The following RFC1 variants were observed in gnomAD, a reference collection of about 807,000 sequenced individuals.
RFC1 encodes replication factor C subunit 1.
A neutral mutation model predicts 137.4 loss-of-function variants in RFC1; 37 were observed. The ratio of observed to expected loss-of-function variants is 0.27; its 90% CI spans 0.21 to 0.35. The LOEUF (loss-of-function observed/expected upper bound fraction) is 0.35, where lower values mean the gene tolerates loss of function less well. Ranked by LOEUF, RFC1 falls within the 10% of genes least tolerant of loss-of-function variation. The pLI is 1.00. For missense variants in RFC1, 1,205 were observed against 1,358.5 expected (o/e 0.89, Z 1.78); for synonymous variants, 429 against 455.7 (o/e 0.94, Z 0.75).
intron 4 of RFC1, among the ~76,000 whole-genome samples, chr4:39,329,244 G>A (rs1380741582): frequency 6.6e-6 from 1 of 151,010 alleles, no homozygotes; most frequent in Non-Finnish European, 1.5e-5. Flanking sequence ...GCACACACCT[G>A]TCATCCCAGT....
At chr4:39,322,386 T>C (rs1739562508) in intron 7 of RFC1, 1 of 151,756 alleles carries the variant, frequency 6.6e-6, no homozygotes, top group East Asian at 1.9e-4. Flanking sequence ...CCAGCGTGGG[T>C]GACAAAGTGA....
At chr4:39,292,850 C>G (rs1578099830) in intron 22 of RFC1, among the ~76,000 whole-genome samples, 2 of 151,484 alleles carry the variant, frequency 1.3e-5, no homozygotes, top group South Asian at 4.2e-4. Context: ...GTTTCACCAT[C>G]TTGCCCAGGC....
At chr4:39,348,429 GAA>G (rs1157025395) in intron 2 of RFC1, among the ~76,000 whole-genome samples, 5 of 38,618 alleles carry the variant, frequency 1.3e-4, no homozygotes, top group South Asian at 9.9e-4. Context: ...TTTCAAAAAA[GAA>G]AAGAAAAGAA....
chr4:39,351,344 T>C lies in RFC1; in HGVS notation c.132+4A>G. 4.1e-6 allele frequency: 6 copies of C among 1,465,472 alleles called. No homozygotes were observed. Among genetic ancestry groups the C allele is most frequent in the Non-Finnish European group, 5.4e-6 (6 of 1,107,266 alleles). 90.8% of individuals were successfully genotyped at this position (1,465,472 alleles called of 1,614,324 possible). A position where few individuals can be genotyped will look rare whatever the true frequency, so the allele number is the denominator to read the frequency against. The stretch of plus-strand genomic sequence containing the variant: ...CAATGCAAAATTATACCCAGAAAAC[T>C]AACCTTGATTTCCTTTATTCCTTTC... On this transcript the variant is annotated splice_donor_region_variant and intron_variant, in intron 2 of 24. Coordinates refer to ENST00000349703, the MANE Select transcript of RFC1 (RefSeq NM_002913.5).
In RFC1 at chr4:39,308,684, G is replaced by C; in HGVS notation, c.1837C>G (p.Arg613Gly). Residue 613 changes from arginine to glycine, a missense_variant, in exon 13 of 25, where the codon CGC becomes GGC. Around this residue, in one of 3 missense-constraint regions of RFC1, gnomAD observed 962 missense variants for 1,035.3 expected, o/e 0.93. Transcript: ENST00000349703. ...CTCTTTTGCCAGTTTCGGAGCCAGC[G>C]TAGGAGTTTGTTGGCACAGCTCTGG... The part of the protein sequence containing the change: ...GDQSCANKLL[R>G]WLRNWQKSSS... The C allele has an allele frequency of 6.2e-7, 1 of 1,614,064 alleles. No homozygotes were observed. Among genetic ancestry groups the C allele is most frequent in the East Asian group, 2.2e-5 (1 of 44,878 alleles).
chr4:39,298,928 C>T (rs758732565), intron 21 of RFC1, among the ~76,000 whole-genome samples: 2 of 152,178 alleles, frequency 1.3e-5, no homozygotes, highest in Non-Finnish European at 2.9e-5. Context: ...ACCATCCTGG[C>T]CAACACTGTT....
At position 39,288,622 on chromosome 4, in the gene RFC1, C is replaced by T. The variant is rs1737497165; in HGVS notation, c.*139G>A. On this transcript the variant is annotated 3_prime_UTR_variant, in exon 25 of 25. Coordinates refer to ENST00000349703, the MANE Select transcript of RFC1 (RefSeq NM_002913.5). ...GCTCATACCCTTCTAGCCATACCAC[C>T]CTTTATTTATAATGGGACACCAGGT... 1.5e-6 allele frequency: 1 copy of T among 647,302 alleles called. No homozygotes were observed. The highest frequency in any genetic ancestry group is 1.9e-5 in the South Asian group (1 of 52,088). The allele number at this position is 647,302 out of a possible 1,614,324, so 40.1% of individuals were successfully genotyped here.
Position 39,296,879 on chromosome 4 carries a change from A to G in RFC1, c.2809-1120T>C, listed in dbSNP as rs775393149. Among the ~76,000 whole-genome samples, 56 of 151,064 alleles carry G rather than the reference A, an allele frequency of 3.7e-4. No homozygotes were observed. The East Asian group carries it at 0.011, about 29-fold the overall frequency. The stretch of plus-strand genomic sequence containing the variant: ...TTTACAGTCCCACCAACAATGTAAA[A>G]GTGTTCCTATTTCTCCACATCCTCT... On this transcript the variant is annotated intron_variant, in intron 21 of 24. Coordinates refer to ENST00000349703, the MANE Select transcript of RFC1 (RefSeq NM_002913.5).
At chr4:39,317,690 G>T (rs17288279) in intron 9 of RFC1, among the ~76,000 whole-genome samples, 1,872 of 152,272 alleles carry the variant, frequency 0.012, 34 homozygotes, top group Non-Finnish European at 0.016. Context: ...CTCTTTCGGA[G>T]ATATGGGGTA....
intron 2 of RFC1, 146 bp from the exon 3 acceptor site, chr4:39,345,622 G>A: frequency 8.6e-6 from 5 of 581,476 alleles, no homozygotes; most frequent in Non-Finnish European, 1.2e-5. Flanking sequence ...CCAGGTTCAC[G>A]CCATTCTCCT....
At position 39,327,511 on chromosome 4, in the gene RFC1, G is replaced by C; in HGVS notation, c.564+13C>G. 1 of 1,569,660 alleles carries C rather than the reference G, an allele frequency of 6.4e-7. No homozygotes were observed. The highest frequency in any genetic ancestry group is 8.7e-7 in the Non-Finnish European group (1 of 1,146,582). On this transcript the variant is annotated intron_variant, in intron 5 of 24. Transcript: ENST00000349703. ...AAATCCTGAGCATACTTGCTTATAT[G>C]TAGAACACTTACCTCTTTTCTTTTG...
In RFC1 at chr4:39,288,012, C is replaced by CGTGGTCAACACACACAGAGGGA. The variant is rs1737464320; in HGVS notation, c.*727_*748dup. The CGTGGTCAACACACACAGAGGGA allele has an allele frequency of 6.6e-6, 1 of 152,194 alleles. No homozygotes were observed. The highest frequency in any genetic ancestry group is 2.1e-4 in the South Asian group (1 of 4,818). The allele number at this position is 152,194 out of a possible 1,614,324, so 9.4% of individuals were successfully genotyped here. A position where few individuals can be genotyped will look rare whatever the true frequency, so the allele number is the denominator to read the frequency against. On this transcript the variant is annotated 3_prime_UTR_variant, in exon 25 of 25. Transcript: ENST00000349703. ...CATGAAATCCTATTCACAGCAGAGACGTGGTCAACACACACAGAGGGAGTG... is the reference window on the plus strand; with the variant it reads ...CATGAAATCCTATTCACAGCAGAGACGTGGTCAACACACACAGAGGGAGTGGTCAACACACACAGAGGGAGTG...
chr4:39,330,783 T>C (rs1257820089), intron 4 of RFC1, among the ~76,000 whole-genome samples: 1 of 152,216 alleles, frequency 6.6e-6, no homozygotes, highest in African/African-American at 2.4e-5. Flanking sequence ...CGTCAAGCTT[T>C]AATTAAAAAT....
Position 39,351,449 on chromosome 4 carries a change from G to C in RFC1, c.31C>G (p.Pro11Ala). The C allele has an allele frequency of 6.4e-7, 1 of 1,565,290 alleles. No homozygotes were observed. The highest frequency in any genetic ancestry group is 8.6e-7 in the Non-Finnish European group (1 of 1,159,154). Residue 11 changes from proline to alanine, a missense_variant, in exon 2 of 25, where the codon CCA becomes GCA. This residue lies in a region of RFC1 where 962 missense variants were observed against 1,035.3 expected (regional missense o/e 0.93). Coordinates refer to ENST00000349703, the MANE Select transcript of RFC1 (RefSeq NM_002913.5). Reference sequence around the variant, plus strand: ...TCACTTACAAGTTTCTTTCCACTTGGTATTACTCCAAAGAATTTCCGAATG... The same window carrying C: ...TCACTTACAAGTTTCTTTCCACTTGCTATTACTCCAAAGAATTTCCGAATG... MDIRKFFGVIPSGKKLVSETV... is the reference protein window; with the variant it reads MDIRKFFGVIASGKKLVSETV...
chr4:39,302,744 T>C lies in RFC1; in HGVS notation c.2333A>G (p.Gln778Arg). 6.3e-7 allele frequency: 1 copy of C among 1,580,344 alleles called. No individual in the cohort carries two copies. The highest frequency in any genetic ancestry group is 1.2e-5 in the South Asian group (1 of 84,052). The change falls in exon 17 of 25, where the codon CAG becomes CGG. Residue 778 changes from glutamine to arginine, a missense_variant. This residue lies in a region of RFC1 where 962 missense variants were observed against 1,035.3 expected (regional missense o/e 0.93). Coordinates refer to ENST00000349703, the MANE Select transcript of RFC1 (RefSeq NM_002913.5). ...DLRFQRPRVE[Q>R]IKGAMMSIAF... is the part of the protein sequence containing the mutation. ...AAATTTCAATCATCATACCTTAATC[T>C]GTTCAACCCGAGGTCTTTGAAAACG...
intron 7 of RFC1, 68 bp from the exon 8 acceptor site, chr4:39,321,442 T>A: frequency 6.9e-7 from 1 of 1,450,218 alleles, no homozygotes; most frequent in Non-Finnish European, 9.5e-7. Flanking sequence ...AATCTGTTGT[T>A]AAAATCCATC....
intron 2 of RFC1, 95 bp downstream of exon 2, chr4:39,351,253 G>GAAAAAAAAAAAAAAA (rs58906519): frequency 3.5e-6 from 1 of 284,534 alleles, no homozygotes; most frequent in Non-Finnish European, 5.0e-6. Flanking sequence ...TCTGTCTCAG[G>GAAAAAAAAAAAAAAA]AAAAAAAAAA....
chr4:39,294,667 C>T (rs1737878354), intron 22 of RFC1, among the ~76,000 whole-genome samples: 1 of 145,382 alleles, frequency 6.9e-6, no homozygotes, highest in Non-Finnish European at 1.5e-5. Context: ...GACACTCTGT[C>T]TCAATAAAAA....
At chr4:39,366,185 G>A in intron 1 of RFC1, 54 bp downstream of exon 1, 1 of 1,544,990 alleles carries the variant, frequency 6.5e-7, no homozygotes, top group Non-Finnish European at 8.7e-7. Flanking sequence ...GTCCACACCA[G>A]GCCTGCAAAG....
Sources: gnomAD v4.1 joint callset for allele counts (sites outside exome capture counted in the v4.1 genomes callset) on GRCh38, gnomAD v4.1.1 for gene constraint, gnomAD v4.1.1 regional missense constraint, MANE v1.5 for transcripts, NCBI Gene and HGNC (gene_info 2026-07-23, HGNC 2026-07-21) for gene names.